The following NRG3 variants were observed in gnomAD, a reference collection of about 807,000 sequenced individuals.
NRG3 encodes the protein neuregulin 3.
A neutral mutation model predicts 66.9 loss-of-function variants in NRG3; 31 were observed. The observed-to-expected ratio is 0.46, with a 90% CI of 0.35 to 0.63. The LOEUF (loss-of-function observed/expected upper bound fraction) is 0.63, where lower values mean the gene tolerates loss of function less well. Among genes scored for constraint, NRG3 ranks in the 20% least tolerant of loss-of-function variants. The pLI is 0.00. For missense variants in NRG3, 910 were observed against 878.9 expected (o/e 1.04, Z -0.45); for synonymous variants, 393 against 359.4 (o/e 1.09, Z -1.06).
chr10:82,364,639 A>C (rs1270244455), intron 2 of NRG3, among the ~76,000 whole-genome samples: 1 of 152,170 alleles, frequency 6.6e-6, no homozygotes, highest in East Asian at 1.9e-4. Flanking sequence ...AGTAAAAAGG[A>C]TGTGTCTCTT....
intron 4 of NRG3, among the ~76,000 whole-genome samples, chr10:82,926,904 C>G (rs1240711608): frequency 6.6e-6 from 1 of 152,164 alleles, no homozygotes; most frequent in Non-Finnish European, 1.5e-5. Context: ...CACTGTGTCT[C>G]TTTGTCTTTA....
intron 1 of NRG3, among the ~76,000 whole-genome samples, chr10:81,892,016 T>C (rs775273159): frequency 2.6e-5 from 4 of 152,226 alleles, no homozygotes; most frequent in Non-Finnish European, 5.9e-5. Context: ...TTGGTTAGTG[T>C]ATTTTATGTT....
At chr10:82,080,375 G>T (rs1256455528) in intron 1 of NRG3, among the ~76,000 whole-genome samples, 3 of 152,126 alleles carry the variant, frequency 2.0e-5, no homozygotes, top group Non-Finnish European at 4.4e-5. Flanking sequence ...TGGCTGGGGG[G>T]ACGGAAAGGA....
At chr10:82,769,401 TA>T (rs2059631881) in intron 3 of NRG3, among the ~76,000 whole-genome samples, 1 of 152,136 alleles carries the variant, frequency 6.6e-6, no homozygotes, top group Admixed American at 6.6e-5. Flanking sequence ...TGAAAATTTG[TA>T]TTTTAATGGA....
intron 4 of NRG3, among the ~76,000 whole-genome samples, chr10:82,935,349 C>A (rs989093969): frequency 2.0e-5 from 3 of 152,178 alleles, no homozygotes; most frequent in African/African-American, 7.2e-5. Context: ...ACACACCTTA[C>A]AGATGATCAG....
At chr10:82,927,114 G>A (rs754059651) in intron 4 of NRG3, among the ~76,000 whole-genome samples, 30 of 152,102 alleles carry the variant, frequency 2.0e-4, no homozygotes, top group Non-Finnish European at 4.0e-4. Flanking sequence ...GGACTGCAAG[G>A]CTTTAGAAGT....
intron 1 of NRG3, among the ~76,000 whole-genome samples, chr10:82,323,334 C>T (rs771893905): frequency 2.0e-5 from 3 of 152,172 alleles, no homozygotes; most frequent in Non-Finnish European, 4.4e-5. Context: ...ACAGTGTATG[C>T]TGGGACCTCA....
chr10:82,271,088 A>G (rs928312348), intron 1 of NRG3, among the ~76,000 whole-genome samples: 5 of 152,140 alleles, frequency 3.3e-5, no homozygotes, highest in Admixed American at 3.3e-4. Context: ...GGGAAAATAT[A>G]TTGGTTGTAT....
intron 1 of NRG3, among the ~76,000 whole-genome samples, chr10:82,121,589 A>G (rs1459382981): frequency 6.6e-6 from 1 of 152,030 alleles, no homozygotes; most frequent in Non-Finnish European, 1.5e-5. Flanking sequence ...ACTTTAGATG[A>G]CATGTTAGAG....
At chr10:82,022,844 A>G (rs947712870) in intron 1 of NRG3, among the ~76,000 whole-genome samples, 1 of 151,802 alleles carries the variant, frequency 6.6e-6, no homozygotes, top group African/African-American at 2.4e-5. Flanking sequence ...TAGTGAATAC[A>G]GGTTGAAATG....
intron 2 of NRG3, among the ~76,000 whole-genome samples, chr10:82,606,714 GCACA>G (rs2047988033): frequency 2.0e-5 from 3 of 152,040 alleles, no homozygotes; most frequent in African/African-American, 4.8e-5. Context: ...GAGTCACATA[GCACA>G]CTAACCACCT....
At chr10:82,358,693 C>G (rs755470489) in intron 1 of NRG3, 46 bp from the exon 2 acceptor site, 4 of 1,611,192 alleles carry the variant, frequency 2.5e-6, no homozygotes, top group Non-Finnish European at 3.4e-6. Flanking sequence ...TTGTTGGTGT[C>G]AGAATGTACT....
chr10:82,060,103 C>A (rs2064065363), intron 1 of NRG3, among the ~76,000 whole-genome samples: 1 of 152,190 alleles, frequency 6.6e-6, no homozygotes, highest in Non-Finnish European at 1.5e-5. Flanking sequence ...CTCCCCCACA[C>A]AGGAATTTCA....
intron 2 of NRG3, among the ~76,000 whole-genome samples, chr10:82,532,134 G>A (rs1222142513): frequency 6.6e-6 from 1 of 151,712 alleles, no homozygotes; most frequent in African/African-American, 2.4e-5. Flanking sequence ...TCATTTCTTT[G>A]TATTAGGAAC....
intron 2 of NRG3, among the ~76,000 whole-genome samples, chr10:82,535,698 T>C (rs1387774343): frequency 1.3e-5 from 2 of 152,162 alleles, no homozygotes; most frequent in Admixed American, 6.5e-5. Flanking sequence ...GAGCCAGAGC[T>C]TGGGATGATT....
At chr10:81,989,253 C>G (rs577131008) in intron 1 of NRG3, among the ~76,000 whole-genome samples, 1 of 151,938 alleles carries the variant, frequency 6.6e-6, no homozygotes, top group Non-Finnish European at 1.5e-5. Context: ...CATTAGAAAA[C>G]TAAGTGAACT....
chr10:82,666,237 T>C (rs2052769815), intron 2 of NRG3, among the ~76,000 whole-genome samples: 1 of 152,206 alleles, frequency 6.6e-6, no homozygotes, highest in Non-Finnish European at 1.5e-5. Context: ...TTACTCTGTA[T>C]TCTCTCCCTT....
At chr10:82,331,782 C>CA in intron 1 of NRG3, among the ~76,000 whole-genome samples, 1 of 152,198 alleles carries the variant, frequency 6.6e-6, no homozygotes, top group Non-Finnish European at 1.5e-5. Context: ...GAAGATGTGA[C>CA]AAAAAATAAA....
At chr10:82,279,209 T>A (rs888364799) in intron 1 of NRG3, among the ~76,000 whole-genome samples, 1 of 152,178 alleles carries the variant, frequency 6.6e-6, no homozygotes, top group African/African-American at 2.4e-5. Context: ...GCAGCGCCCA[T>A]GCTGGCCATT....
Sources: allele counts gnomAD v4.1 joint callset (sites outside exome capture counted in the v4.1 genomes callset), GRCh38; gene constraint gnomAD v4.1.1; transcripts MANE v1.5; gene names NCBI Gene and HGNC (gene_info 2026-07-23, HGNC 2026-07-21).